The following ATP10B variants were observed in gnomAD, a reference collection of about 807,000 sequenced individuals.
The protein encoded by ATP10B is phospholipid-transporting ATPase VB.
In ATP10B, 122 loss-of-function variants were observed where a neutral mutation model predicts 141.2. The ratio of observed to expected loss-of-function variants is 0.86; its 90% CI spans 0.75 to 1.00. The LOEUF (loss-of-function observed/expected upper bound fraction) is 1.00, where lower values mean the gene tolerates loss of function less well. Among genes scored for constraint, ATP10B ranks in the 50% least tolerant of loss-of-function variants. The probability of loss-of-function intolerance (pLI) is 0.00; values close to 1 mark genes in which losing one functional copy is unlikely to be tolerated. For synonymous variants in ATP10B, 685 were observed against 692.0 expected (o/e 0.99, Z 0.16); for missense variants, 1,876 against 1,825.3 (o/e 1.03, Z -0.51).
chr5:160,678,188 A>T (rs1180967979), intron 6 of ATP10B, among the ~76,000 whole-genome samples: 2 of 152,230 alleles, frequency 1.3e-5, no homozygotes. Flanking sequence ...TTGCTTTTAA[A>T]TCATTATAAC....
At chr5:160,919,236 A>AAAAAAAAAAAAAAAAAC in the ATP10B span, among the ~76,000 whole-genome samples, 1 of 145,832 alleles carries the variant, frequency 6.9e-6, no homozygotes, top group African/African-American at 2.6e-5. Flanking sequence ...AAAAAAAAAA[A>AAAAAAAAAAAAAAAAAC]AAAAAAAAAG....
intron 1 of ATP10B, among the ~76,000 whole-genome samples, chr5:160,846,958 T>C (rs1210113856): frequency 1.3e-5 from 2 of 152,216 alleles, no homozygotes; most frequent in East Asian, 1.9e-4. Context: ...TTGAAGCCCT[T>C]GAAATAGCAA....
intron 1 of ATP10B, among the ~76,000 whole-genome samples, chr5:160,837,119 A>G (rs570301447): frequency 2.4e-4 from 36 of 152,220 alleles, no homozygotes; most frequent in African/African-American, 8.4e-4. Flanking sequence ...TTTTCTCATC[A>G]TTGCTGATTA....
chr5:160,665,010 C>T (rs1310177885), intron 7 of ATP10B, among the ~76,000 whole-genome samples: 2 of 152,166 alleles, frequency 1.3e-5, no homozygotes, highest in South Asian at 4.1e-4. Flanking sequence ...AGTCCTCTTG[C>T]CAGCTGGACA....
intron 1 of ATP10B, among the ~76,000 whole-genome samples, chr5:160,826,516 A>G (rs975024474): frequency 4.6e-5 from 7 of 152,158 alleles, no homozygotes; most frequent in African/African-American, 1.7e-4. Context: ...GTACAAATTG[A>G]TTGTAAAATA....
At chr5:160,798,282 G>A (rs754377061) in intron 1 of ATP10B, among the ~76,000 whole-genome samples, 11 of 152,280 alleles carry the variant, frequency 7.2e-5, no homozygotes, top group Admixed American at 1.3e-4. Flanking sequence ...GTTGGAAAAC[G>A]TCTTCCTAAA....
chr5:160,679,722 G>T (rs1057419388), intron 6 of ATP10B, among the ~76,000 whole-genome samples: 5 of 152,232 alleles, frequency 3.3e-5, no homozygotes, highest in Admixed American at 2.6e-4. Flanking sequence ...ATTAAAATTT[G>T]CTGAATAGAT....
chr5:160,760,239 C>T (rs1231784044), intron 2 of ATP10B, among the ~76,000 whole-genome samples: 1 of 152,178 alleles, frequency 6.6e-6, no homozygotes, highest in Admixed American at 6.5e-5. Flanking sequence ...CTTGTAATAG[C>T]AGGCTTGTAG....
chr5:160,724,478 G>A (rs554887035), intron 2 of ATP10B, among the ~76,000 whole-genome samples: 106 of 152,024 alleles, frequency 7.0e-4, no homozygotes, highest in African/African-American at 2.5e-3. Flanking sequence ...CTCTCCATTG[G>A]CTTCCTATAT....
In ATP10B at chr5:160,687,775, ATTG is replaced by A. The variant is rs756551804; in HGVS notation, c.275+22_275+24del. Reference sequence around the variant, plus strand: ...ATGAGACTCTTTCTCTAAAAAGAGTATTGTTCAGACAAGTGGATCTCTACCTAT... The same window carrying A: ...ATGAGACTCTTTCTCTAAAAAGAGTATTCAGACAAGTGGATCTCTACCTAT... On this transcript the variant is annotated intron_variant, in intron 5 of 25. Coordinates refer to ENST00000327245, the MANE Select transcript of ATP10B (RefSeq NM_025153.3). 4 of 1,602,744 alleles carry A rather than the reference ATTG, an allele frequency of 2.5e-6. No individual in the cohort carries two copies. In the African/African-American group the frequency reaches 5.4e-5, roughly 21 times the overall value.
At chr5:160,697,171 T>G (rs1029686668) in intron 3 of ATP10B, among the ~76,000 whole-genome samples, 1 of 152,214 alleles carries the variant, frequency 6.6e-6, no homozygotes, top group Non-Finnish European at 1.5e-5. Context: ...ATTGATGACA[T>G]TTTAGATTCA....
intron 9 of ATP10B, among the ~76,000 whole-genome samples, chr5:160,643,898 G>A (rs551834174): frequency 2.0e-5 from 3 of 152,312 alleles, no homozygotes; most frequent in South Asian, 4.1e-4. Flanking sequence ...GATTGAGTGT[G>A]AATCCCTTTC....
intron 24 of ATP10B, among the ~76,000 whole-genome samples, chr5:160,572,670 A>T (rs1318244481): frequency 6.6e-6 from 1 of 152,234 alleles, no homozygotes; most frequent in Non-Finnish European, 1.5e-5. Flanking sequence ...CTTTCAGGAC[A>T]TTAAATCTTT....
chr5:160,795,172 CA>C (rs1332411545), intron 1 of ATP10B, among the ~76,000 whole-genome samples: 1 of 151,760 alleles, frequency 6.6e-6, no homozygotes, highest in Non-Finnish European at 1.5e-5. Context: ...ACCATCTTTT[CA>C]AAAAAAATCC....
At chr5:160,662,244 C>G (rs1278540118) in intron 7 of ATP10B, among the ~76,000 whole-genome samples, 2 of 152,126 alleles carry the variant, frequency 1.3e-5, no homozygotes, top group African/African-American at 4.8e-5. Context: ...AGATTCAATG[C>G]CATCCCCATC....
chr5:160,788,344 C>G (rs765447607), intron 1 of ATP10B, among the ~76,000 whole-genome samples: 1 of 152,144 alleles, frequency 6.6e-6, no homozygotes, highest in Non-Finnish European at 1.5e-5. Context: ...ATGGTTAAAC[C>G]TAAAAAGGCA....
the ATP10B span, among the ~76,000 whole-genome samples, chr5:160,860,583 AAAC>A: frequency 6.6e-6 from 1 of 152,004 alleles, no homozygotes; most frequent in Non-Finnish European, 1.5e-5. Context: ...ACTTTATACT[AAAC>A]AATGTTGAAG....
intron 1 of ATP10B, among the ~76,000 whole-genome samples, chr5:160,803,955 G>A (rs1772586468): frequency 6.6e-6 from 1 of 151,954 alleles, no homozygotes. Flanking sequence ...GCCCCTGTAG[G>A]ATTCATGGGG....
At chr5:160,789,851 G>C (rs1367635549) in intron 1 of ATP10B, among the ~76,000 whole-genome samples, 1 of 152,282 alleles carries the variant, frequency 6.6e-6, no homozygotes, top group African/African-American at 2.4e-5. Flanking sequence ...GGAACCAAAG[G>C]AGGACTTAGG....
Sources: gnomAD v4.1 joint callset for allele counts (sites outside exome capture counted in the v4.1 genomes callset) on GRCh38, gnomAD v4.1.1 for gene constraint, MANE v1.5 for transcripts, NCBI Gene and HGNC (gene_info 2026-07-23, HGNC 2026-07-21) for gene names.